PCDHA2: variants seen among roughly 807,000 people sequenced by gnomAD.
PCDHA2 encodes protocadherin alpha-2.
A neutral mutation model predicts 66.0 loss-of-function variants in PCDHA2; 58 were observed. That is an observed-to-expected ratio of 0.88 (90% confidence interval 0.71 to 1.09). The LOEUF is 1.09. PCDHA2 is among the 50% of genes least tolerant of loss of function. The pLI is 0.00. For synonymous variants in PCDHA2, 634 were observed against 554.0 expected (o/e 1.14, Z -2.03); for missense variants, 1,267 against 1,242.3 (o/e 1.02, Z -0.30).
chr5:140,827,166 C>T (rs1377464417), intron 1 of PCDHA2, among the ~76,000 whole-genome samples: 2 of 151,954 alleles, frequency 1.3e-5, no homozygotes, highest in Non-Finnish European at 2.9e-5. Context: ...TTTGTAAATA[C>T]CTCAATAAAA....
At chr5:140,843,011 G>A (rs2150350118) in intron 1 of PCDHA2, 1 of 1,595,080 alleles carries the variant, frequency 6.3e-7, no homozygotes, top group Admixed American at 1.7e-5. Flanking sequence ...CAACGCGCCG[G>A]CACTGCTGGA....
chr5:140,880,318 A>G (rs2058303482), intron 1 of PCDHA2, among the ~76,000 whole-genome samples: 1 of 152,268 alleles, frequency 6.6e-6, no homozygotes, highest in Admixed American at 6.5e-5. Context: ...CAAGTAAAAA[A>G]TAAGATACTA....
chr5:140,803,644 A>G (rs781853689), intron 1 of PCDHA2: 23 of 1,612,902 alleles, frequency 1.4e-5, no homozygotes, highest in Non-Finnish European at 1.7e-5. Context: ...TCATTCCTCA[A>G]TGTTTCCACT....
At chr5:140,846,197 G>T (rs2150385759) in intron 1 of PCDHA2, among the ~76,000 whole-genome samples, 2 of 149,386 alleles carry the variant, frequency 1.3e-5, no homozygotes, top group African/African-American at 2.5e-5. Context: ...TTCTTTGTAT[G>T]TATGAGATCT....
intron 1 of PCDHA2, chr5:140,857,205 G>A: frequency 6.3e-7 from 1 of 1,598,596 alleles, no homozygotes; most frequent in African/African-American, 1.3e-5. Flanking sequence ...CAGGTCACCT[G>A]CTCTCTGACG....
intron 1 of PCDHA2, chr5:140,967,767 A>G (rs782195052): frequency 1.2e-6 from 2 of 1,614,216 alleles, no homozygotes; most frequent in East Asian, 2.2e-5. Context: ...TACCAGATCT[A>G]TGTGCAGGCG....
intron 1 of PCDHA2, among the ~76,000 whole-genome samples, chr5:140,915,255 A>G (rs2077044659): frequency 6.6e-6 from 1 of 152,018 alleles, no homozygotes; most frequent in African/African-American, 2.4e-5. Flanking sequence ...CCAGGTTGTT[A>G]TTATTTTTGA....
In PCDHA2 at chr5:140,876,716, G is replaced by T. The variant is rs374218090; in HGVS notation, c.2388+79364G>T. The T allele has an allele frequency of 9.3e-6, 15 of 1,614,132 alleles. No individual in the cohort carries two copies. The African/African-American group carries it at 1.2e-4, about 13-fold the overall frequency. ...TTGGTGCTGGACAGCGCCCTGGACC[G>T]CGAGAGCGTGTCGGCCTATGAGCTG... On this transcript the variant is annotated intron_variant, in intron 1 of 3. Coordinates refer to ENST00000526136, the MANE Select transcript of PCDHA2 (RefSeq NM_018905.3).
intron 1 of PCDHA2, 81 bp from the exon 2 acceptor site, chr5:140,978,868 G>A: frequency 6.2e-7 from 1 of 1,606,078 alleles, no homozygotes; most frequent in Non-Finnish European, 8.5e-7. Context: ...ATATTTAAGG[G>A]AGTAACTAAT....
intron 1 of PCDHA2, among the ~76,000 whole-genome samples, chr5:140,951,315 C>T (rs782114634): frequency 6.6e-6 from 1 of 151,988 alleles, no homozygotes. Context: ...ATGTGTTATT[C>T]TTGAGATTCA....
chr5:140,952,724 C>G (rs1481919445), intron 1 of PCDHA2, among the ~76,000 whole-genome samples: 1 of 152,100 alleles, frequency 6.6e-6, no homozygotes, highest in Non-Finnish European at 1.5e-5. Context: ...ATTTTCTGTA[C>G]TAGTCTTTTC....
At chr5:140,821,766 C>A in intron 1 of PCDHA2, 3 of 1,592,410 alleles carry the variant, frequency 1.9e-6, no homozygotes, top group Non-Finnish European at 1.7e-6. Flanking sequence ...ATAATTGGAA[C>A]GAGATTGAGA....
At chr5:140,987,395 G>A (rs1438598842) in intron 3 of PCDHA2, among the ~76,000 whole-genome samples, 1 of 152,166 alleles carries the variant, frequency 6.6e-6, no homozygotes, top group East Asian at 1.9e-4. Flanking sequence ...ATGCAAGGAA[G>A]CCATCTGTTT....
intron 1 of PCDHA2, among the ~76,000 whole-genome samples, chr5:140,950,852 A>G (rs1172997648): frequency 6.6e-6 from 1 of 151,856 alleles, no homozygotes; most frequent in Non-Finnish European, 1.5e-5. Flanking sequence ...CATTTCTTTC[A>G]TATTCTTGTA....
intron 1 of PCDHA2, chr5:140,823,671 A>G: frequency 1.2e-6 from 2 of 1,614,028 alleles, no homozygotes; most frequent in Non-Finnish European, 1.7e-6. Context: ...AGATCAGCAC[A>G]ACACGCTCTC....
intron 1 of PCDHA2, chr5:140,847,674 G>A (rs2150402803): frequency 6.7e-6 from 1 of 149,800 alleles, no homozygotes; most frequent in African/African-American, 2.4e-5. Flanking sequence ...AGCTTGGAAA[G>A]AATCAAAACA....
At chr5:140,805,856 A>T (rs1172877583) in intron 1 of PCDHA2, among the ~76,000 whole-genome samples, 2 of 152,160 alleles carry the variant, frequency 1.3e-5, no homozygotes, top group Non-Finnish European at 2.9e-5. Context: ...GATCACCTTA[A>T]ATTAATGCAT....
chr5:140,834,368 A>C (rs2150215878), intron 1 of PCDHA2: 10 of 1,555,242 alleles, frequency 6.4e-6, no homozygotes, highest in African/African-American at 1.4e-5. Flanking sequence ...CTAGAAAAAC[A>C]AGCCAATAAT....
intron 1 of PCDHA2, chr5:140,877,110 C>A (rs1554169339): frequency 1.1e-5 from 18 of 1,613,500 alleles, no homozygotes; most frequent in Middle Eastern, 1.7e-4. Flanking sequence ...CGCCTCTGGG[C>A]AGCAACGTGA....
Sources: gnomAD v4.1 joint callset for allele counts (sites outside exome capture counted in the v4.1 genomes callset) on GRCh38, gnomAD v4.1.1 for gene constraint, MANE v1.5 for transcripts, NCBI Gene and HGNC (gene_info 2026-07-23, HGNC 2026-07-21) for gene names.